The following EXOC4 variants were observed in gnomAD, a reference collection of about 807,000 sequenced individuals.
EXOC4 encodes exocyst complex component 4, also known as SEC8-like 1.
In EXOC4, 71 loss-of-function variants were observed where a neutral mutation model predicts 107.2. That is an observed-to-expected ratio of 0.66 (90% confidence interval 0.55 to 0.81). EXOC4 has a LOEUF of 0.81. EXOC4 is among the 30% of genes least tolerant of loss of function. The pLI is 0.00. For synonymous variants in EXOC4, 456 were observed against 441.2 expected (o/e 1.03, Z -0.42); for missense variants, 1,108 against 1,189.6 (o/e 0.93, Z 1.01).
intron 10 of EXOC4, among the ~76,000 whole-genome samples, chr7:133,798,911 T>G (rs1301496830): frequency 6.6e-6 from 1 of 152,152 alleles, no homozygotes; most frequent in Non-Finnish European, 1.5e-5. Context: ...TATAAACACA[T>G]CATTGTGTTC....
In EXOC4 at chr7:133,345,864, C is replaced by T. The variant is rs113184163; in HGVS notation, c.764-10466C>T. ...CTTTCTGGAGTGGGTGTTGTATTGT[C>T]TGTAGTTTTCTTTAAAGTAATTTAA... is the stretch of plus-strand genomic sequence containing the variant. On this transcript the variant is annotated intron_variant, in intron 5 of 17. Transcript: ENST00000253861. 4.6e-3 allele frequency among the ~76,000 whole-genome samples: 701 copies of T among 152,268 alleles called. 2 individuals are homozygous for T. The highest frequency in any genetic ancestry group is 7.3e-3 in the Non-Finnish European group (499 of 68,018).
chr7:133,606,574 G>A (rs1285575540), intron 9 of EXOC4, among the ~76,000 whole-genome samples: 2 of 150,946 alleles, frequency 1.3e-5, no homozygotes, highest in Non-Finnish European at 2.9e-5. Context: ...GAGTGCAGTG[G>A]TGCATTCTCG....
chr7:133,461,229 T>C (rs28495575), intron 7 of EXOC4, among the ~76,000 whole-genome samples: 11,160 of 152,208 alleles, frequency 0.073, 1,378 homozygotes, highest in African/African-American at 0.25. Flanking sequence ...TGTGGACTCC[T>C]TAAAGAACAG....
At chr7:134,067,628 T>TACAC (rs1194588418), downstream of EXOC4, among the ~76,000 whole-genome samples, 4 of 43,136 alleles carry the variant, frequency 9.3e-5, no homozygotes, top group South Asian at 9.7e-4. Context: ...CCAACTCTTA[T>TACAC]ATATATATAT....
intron 9 of EXOC4, among the ~76,000 whole-genome samples, chr7:133,609,391 T>TAC (rs1409037108): frequency 6.6e-6 from 1 of 152,230 alleles, no homozygotes; most frequent in Admixed American, 6.5e-5. Context: ...ATATTCCAAT[T>TAC]ACATGTATAT....
At chr7:133,967,235 GTCTA>G (rs1465952124) in intron 14 of EXOC4, among the ~76,000 whole-genome samples, 4 of 152,040 alleles carry the variant, frequency 2.6e-5, no homozygotes, top group African/African-American at 7.2e-5. Context: ...CTGGCTAGCG[GTCTA>G]TCTATTTTGT....
chr7:133,859,832 G>A (rs909167879), intron 11 of EXOC4, among the ~76,000 whole-genome samples: 3 of 152,100 alleles, frequency 2.0e-5, no homozygotes, highest in African/African-American at 7.2e-5. Context: ...ATAAGATGCT[G>A]GTTGAAAATT....
At chr7:133,501,953 G>A (rs1182454017) in intron 9 of EXOC4, among the ~76,000 whole-genome samples, 2 of 152,138 alleles carry the variant, frequency 1.3e-5, no homozygotes, top group South Asian at 2.1e-4. Flanking sequence ...TCAAGGAGGG[G>A]TTATTAAAAC....
intron 10 of EXOC4, among the ~76,000 whole-genome samples, chr7:133,700,718 A>G (rs537812431): frequency 6.6e-6 from 1 of 152,246 alleles, no homozygotes; most frequent in Admixed American, 6.5e-5. Flanking sequence ...TAGCTGAAGG[A>G]GGTTGGCTTG....
At chr7:133,544,093 G>A (rs2150934489) in intron 9 of EXOC4, among the ~76,000 whole-genome samples, 1 of 152,120 alleles carries the variant, frequency 6.6e-6, no homozygotes, top group Middle Eastern at 3.4e-3. Flanking sequence ...AGCAAATAAT[G>A]GTGCATTGGG....
At chr7:133,311,724 A>G (rs1794875656) in intron 4 of EXOC4, among the ~76,000 whole-genome samples, 1 of 152,198 alleles carries the variant, frequency 6.6e-6, no homozygotes, top group Non-Finnish European at 1.5e-5. Flanking sequence ...TACTCTGAGG[A>G]AATATATGTA....
chr7:133,366,089 C>T (rs1054632150), intron 6 of EXOC4, among the ~76,000 whole-genome samples: 3 of 152,096 alleles, frequency 2.0e-5, no homozygotes, highest in South Asian at 2.1e-4. Flanking sequence ...TGGCTGCAAA[C>T]GTGGGTTTTC....
chr7:133,810,596 C>CATTTTAT (rs1563007790), intron 10 of EXOC4, among the ~76,000 whole-genome samples: 11,937 of 103,672 alleles, frequency 0.12, 662 homozygotes, highest in South Asian at 0.15. Context: ...CCATGCTTTG[C>CATTTTAT]TTTATTTTAT....
intron 10 of EXOC4, among the ~76,000 whole-genome samples, chr7:133,639,548 C>T (rs751197382): frequency 6.6e-5 from 10 of 151,636 alleles, no homozygotes; most frequent in Non-Finnish European, 8.8e-5. Flanking sequence ...ATTTATTAAC[C>T]GAGAAAGGAA....
intron 5 of EXOC4, among the ~76,000 whole-genome samples, chr7:133,321,041 C>A (rs928292791): frequency 1.3e-5 from 2 of 152,174 alleles, no homozygotes; most frequent in Non-Finnish European, 2.9e-5. Context: ...GCTCCTCTCT[C>A]ATTTTGTGAA....
At chr7:133,937,833 C>A in intron 13 of EXOC4, 58 bp from the exon 14 acceptor site, 2 of 1,560,642 alleles carry the variant, frequency 1.3e-6, no homozygotes, top group South Asian at 1.1e-5. Flanking sequence ...AACAGTGTTG[C>A]CCGGTCCTAC....
intron 7 of EXOC4, 30 bp downstream of exon 7, chr7:133,375,032 T>C: frequency 6.3e-7 from 1 of 1,584,418 alleles, no homozygotes; most frequent in Non-Finnish European, 8.6e-7. Flanking sequence ...GGTGTCATCT[T>C]GATTCAGAGT....
At chr7:133,581,255 T>C (rs1801262000) in intron 9 of EXOC4, among the ~76,000 whole-genome samples, 1 of 152,222 alleles carries the variant, frequency 6.6e-6, no homozygotes, top group African/African-American at 2.4e-5. Context: ...CTGAAGAGAC[T>C]GACATAGTCA....
intron 9 of EXOC4, among the ~76,000 whole-genome samples, chr7:133,579,686 C>CTTTTTTTTTTTTTTTTTTT (rs11368284): frequency 1.4e-5 from 2 of 139,800 alleles, no homozygotes. Flanking sequence ...CACAACTTTA[C>CTTTTTTTTTTTTTTTTTTT]TTTTTTTTTT....
Sources: allele counts gnomAD v4.1 joint callset (sites outside exome capture counted in the v4.1 genomes callset), GRCh38; gene constraint gnomAD v4.1.1; transcripts MANE v1.5; gene names NCBI Gene and HGNC (gene_info 2026-07-23, HGNC 2026-07-21).